SIX5: variants seen among roughly 807,000 people sequenced by gnomAD.
The protein encoded by SIX5 is homeobox protein SIX5.
SIX5 carries 21 observed loss-of-function variants against 37.1 expected under a neutral mutation model. That is an observed-to-expected ratio of 0.57 (90% CI 0.40 to 0.81). The LOEUF (loss-of-function observed/expected upper bound fraction) is 0.81, where lower values mean the gene tolerates loss of function less well. Among genes scored for constraint, SIX5 ranks in the 40% least tolerant of loss-of-function variants. SIX5 has a pLI of 0.00. For missense variants in SIX5, 1,137 were observed against 1,025.1 expected (o/e 1.11, Z -1.49); for synonymous variants, 626 against 505.9 (o/e 1.24, Z -3.19).
chr19:45,766,914 C>A lies in SIX5; in HGVS notation c.1045G>T (p.Ala349Ser). Residue 349 changes from alanine to serine, a missense_variant, in exon 2 of 3, where the codon GCC becomes TCC. Coordinates refer to ENST00000317578, the MANE Select transcript of SIX5 (RefSeq NM_175875.5). ...CCCAGGCTGGAGGCCTCGCCCAGGG[C>A]CAGGCCGTTGATGATGACGGGGCCC... ...NGGPVIINGLALGEASSLGPL... is the reference protein window; with the variant it reads ...NGGPVIINGLSLGEASSLGPL... 1 of 1,558,872 alleles carries A rather than the reference C, an allele frequency of 6.4e-7. No individual in the cohort carries two copies. Among genetic ancestry groups the A allele is most frequent in the South Asian group, 1.2e-5 (1 of 85,352 alleles).
In SIX5 at chr19:45,768,743, C is replaced by T. The variant is rs1410983965; in HGVS notation, c.102G>A (p.Gln34=). 1.3e-6 allele frequency: 2 copies of T among 1,518,858 alleles called. No homozygotes were observed. Among genetic ancestry groups the T allele is most frequent in the East Asian group, 5.1e-5 (2 of 39,320 alleles). The allele number at this position is 1,518,858 out of a possible 1,614,324, so 94.1% of individuals were successfully genotyped here. The part of the protein sequence containing the change: ...ATEEEEEEAR[Q]LLQTLQAAEG... ...CGGCCGCCTGCAAAGTCTGCAAGAG[C>T]TGGCGCGCTTCCTCCTCCTCCTCTT... is the stretch of plus-strand genomic sequence containing the variant. Residue 34 remains glutamine (Q), a synonymous_variant, in exon 1 of 3, where the codon CAG becomes CAA. Transcript: ENST00000317578.
In SIX5 at chr19:45,766,719, C is replaced by G. The variant is rs1252817210; in HGVS notation, c.1240G>C (p.Gly414Arg). Residue 414 changes from glycine (G) to arginine (R), a missense_variant, in exon 2 of 3, where the codon GGA becomes CGA. Physicochemically the swap from Gly to Arg is moderately radical, Grantham distance 125. Coordinates refer to ENST00000317578, the MANE Select transcript of SIX5 (RefSeq NM_175875.5). ...ETKGAQVAAP[G>R]PALGEEVLGP... ...AGGACCTCCTCTCCAAGGGCTGGTC[C>G]CGGAGCAGCCACCTGGGCCCCTTTG... 2 of 1,563,720 alleles carry G rather than the reference C, an allele frequency of 1.3e-6. No individual in the cohort carries two copies. Among genetic ancestry groups the G allele is most frequent in the Non-Finnish European group, 1.7e-6 (2 of 1,156,604 alleles).
At position 45,766,084 on chromosome 19, in the gene SIX5, G is replaced by A. The variant is rs1339302262; in HGVS notation, c.1637C>T (p.Ser546Phe). 4 of 1,612,120 alleles carry A rather than the reference G, an allele frequency of 2.5e-6. No individual in the cohort carries two copies. The highest frequency in any genetic ancestry group is 1.7e-5 in the Admixed American group (1 of 59,742). Reference protein sequence around the residue: ...PGNFLLANPVSGSPIVTGVAL... With the variant: ...PGNFLLANPVFGSPIVTGVAL... ...CACACCCGTCACGATGGGGCTGCCAGACACAGGGTTGGCCAGGAGGAAGTT... is the reference window on the plus strand; with the variant it reads ...CACACCCGTCACGATGGGGCTGCCAAACACAGGGTTGGCCAGGAGGAAGTT... Residue 546 changes from serine to phenylalanine, a missense_variant, in exon 3 of 3, where the codon TCT becomes TTT. Ser to Phe is a radical substitution (Grantham distance 155, BLOSUM62 -2). Around this residue, in one of 3 missense-constraint regions of SIX5, gnomAD observed 787 missense variants for 621.4 expected, o/e 1.27. Coordinates refer to ENST00000317578, the MANE Select transcript of SIX5 (RefSeq NM_175875.5).
chr19:45,765,201 G>C lies in SIX5; in HGVS notation c.*300C>G, dbSNP rs1410156922. ...GGGCAGGGTGTTCCGCTTACAGCTA[G>C]TACCAAGTGGAGGGGGCAGGGCCCC... On this transcript the variant is annotated 3_prime_UTR_variant, in exon 3 of 3. Coordinates refer to ENST00000317578, the MANE Select transcript of SIX5 (RefSeq NM_175875.5). 1.9e-6 allele frequency: 1 copy of C among 522,012 alleles called. No individual in the cohort carries two copies. The highest frequency in any genetic ancestry group is 3.5e-6 in the Non-Finnish European group (1 of 286,924). 32.3% of individuals were successfully genotyped at this position (522,012 alleles called of 1,614,324 possible).
Position 45,766,002 on chromosome 19 carries a change from G to A in SIX5, c.1719C>T (p.Val573=), listed in dbSNP as rs1340344651. 10 of 1,605,374 alleles carry A rather than the reference G, an allele frequency of 6.2e-6. No homozygotes were observed. Among genetic ancestry groups the A allele is most frequent in the East Asian group, 2.2e-5 (1 of 44,718 alleles). Residue 573 remains valine (V), a synonymous_variant, in exon 3 of 3, where the codon GTC becomes GTT. Coordinates refer to ENST00000317578, the MANE Select transcript of SIX5 (RefSeq NM_175875.5). ...LTATFPTSML[V]SQVLPPAPGL... is the part of the protein sequence containing the mutation. ...CGGGGGCTGGCGGCAGGACCTGGGA[G>A]ACGAGCATGCTGGTGGGGAAGGTGG...
Position 45,766,922 on chromosome 19 carries a change from TTGA to T in SIX5, c.1034_1036del (p.Ile345del). The T allele has an allele frequency of 6.4e-7, 1 of 1,563,128 alleles. No homozygotes were observed. On this transcript the variant is annotated inframe_deletion, in exon 2 of 3. Coordinates refer to ENST00000317578, the MANE Select transcript of SIX5 (RefSeq NM_175875.5). ...GGAGGCCTCGCCCAGGGCCAGGCCG[TTGA>T]TGATGACGGGGCCCCCGTTGAGGAG...
Position 45,768,570 on chromosome 19 carries a change from G to T in SIX5, c.275C>A (p.Ala92Glu), listed in dbSNP as rs1235707350. ...CTGGAGCAGCGCCTCGCAGACGCAC[G>T]CCACCTGCTCGGGCGAGAAGCGGAG... Reference protein sequence around the residue: ...TGLRFSPEQVACVCEALLQAG... With the variant: ...TGLRFSPEQVECVCEALLQAG... Residue 92 changes from alanine to glutamate, a missense_variant, in exon 1 of 3, where the codon GCG becomes GAG. Coordinates refer to ENST00000317578, the MANE Select transcript of SIX5 (RefSeq NM_175875.5). The T allele has an allele frequency of 2.2e-6, 3 of 1,372,290 alleles. No homozygotes were observed. Among genetic ancestry groups the T allele is most frequent in the Non-Finnish European group, 2.8e-6 (3 of 1,071,958 alleles). The allele number at this position is 1,372,290 out of a possible 1,614,324, so 85.0% of individuals were successfully genotyped here. A position where few individuals can be genotyped will look rare whatever the true frequency, so the allele number is the denominator to read the frequency against.
rs147268086 is a variant in SIX5, at chr19:45,768,470, C to G, written c.375G>C (p.Pro125=). The G allele has an allele frequency of 1.2e-3, 1,822 of 1,526,844 alleles. 25 individuals are homozygous for G. In the African/African-American group the frequency reaches 0.023, roughly 19 times the overall value. The allele number at this position is 1,526,844 out of a possible 1,614,324, so 94.6% of individuals were successfully genotyped here. Residue 125 remains proline, a synonymous_variant, in exon 1 of 3, where the codon CCG becomes CCC. Coordinates refer to ENST00000317578, the MANE Select transcript of SIX5 (RefSeq NM_175875.5). ...PPAERLRGSD[P]VLRARALVAF... ...CCACCAGGGCCCGCGCGCGCAACAC[C>G]GGGTCGCTGCCACGTAGGCGCTCGG...
At position 45,766,214 on chromosome 19, in the gene SIX5, G is replaced by A. The variant is rs767577220; in HGVS notation, c.1610-103C>T. The A allele has an allele frequency of 1.7e-4, 253 of 1,510,176 alleles. 1 individual carries two copies. Among genetic ancestry groups the A allele is most frequent in the Non-Finnish European group, 2.0e-4 (224 of 1,121,052 alleles). The allele number at this position is 1,510,176 out of a possible 1,614,324, so 93.5% of individuals were successfully genotyped here. On this transcript the variant is annotated intron_variant, in intron 2 of 2. Transcript: ENST00000317578. The stretch of plus-strand genomic sequence containing the variant: ...CTGGAGGGCGGGCGGAGGGAGCCTT[G>A]TGGTGGGCCTTGGGGCACTGGGACT...
intron 2 of SIX5, 30 bp from the exon 3 acceptor site, chr19:45,766,141 G>A: frequency 6.2e-7 from 1 of 1,600,054 alleles, no homozygotes; most frequent in East Asian, 2.2e-5. Flanking sequence ...GAGCGCAGGT[G>A]AGAGCCAGGA....
rs1466226605 is a variant in SIX5 at position 45,769,115 on chromosome 19, C to CGT, written c.-273_-272dup. The CGT allele has an allele frequency of 2.0e-6, 1 of 493,840 alleles. No individual in the cohort carries two copies. Among genetic ancestry groups the CGT allele is most frequent in the Admixed American group, 3.5e-5 (1 of 28,354 alleles). The allele number at this position is 493,840 out of a possible 1,614,324, so 30.6% of individuals were successfully genotyped here. A position where few individuals can be genotyped will look rare whatever the true frequency, so the allele number is the denominator to read the frequency against. ...GGCCGCGCTTTCTGCCTCCCCCCAG[C>CGT]GTGTGCTTCTGGCTCAGGGCCTCAG... On this transcript the variant is annotated 5_prime_UTR_variant, in exon 1 of 3. Transcript: ENST00000317578.
rs199539608 is a variant in SIX5 at position 45,768,406 on chromosome 19, G to T, written c.439C>A (p.Leu147Ile). 6.4e-7 allele frequency: 1 copy of T among 1,560,608 alleles called. No individual in the cohort carries two copies. Among genetic ancestry groups the T allele is most frequent in the Non-Finnish European group, 8.6e-7 (1 of 1,160,292 alleles). Residue 147 changes from leucine (L) to isoleucine (I), a missense_variant, in exon 1 of 3, where the codon CTC becomes ATC. Leu to Ile is a conservative substitution (Grantham distance 5). Around this residue, in one of 3 missense-constraint regions of SIX5, gnomAD observed 331 missense variants for 360.9 expected, o/e 0.92. Coordinates refer to ENST00000317578, the MANE Select transcript of SIX5 (RefSeq NM_175875.5). ...GCGGCGGGGAAGGGGCGGCTCTCGA[G>T]TAGCCGGTAGAGCTCGGCGTACTCG... ...RGEYAELYRL[L>I]ESRPFPAAHH...
In SIX5 at chr19:45,766,512, G is replaced by A. The variant is rs1373521216; in HGVS notation, c.1447C>T (p.Gln483Ter). ...LNLPQVVPTSQVVTLPQAVGP... is the reference protein window; with the variant it reads ...LNLPQVVPTS The stretch of plus-strand genomic sequence containing the variant: ...ACAGCCTGGGGCAGGGTCACCACCT[G>A]TGAGGTGGGTACTACCTGGGGCAGG... Residue 483 changes from glutamine to a stop codon, truncating the protein, a stop_gained, in exon 2 of 3, where the codon CAG becomes TAG. Transcript: ENST00000317578. LOFTEE classifies it high-confidence loss of function. 2.0e-6 allele frequency: 3 copies of A among 1,506,898 alleles called. No homozygotes were observed. Among genetic ancestry groups the A allele is most frequent in the Non-Finnish European group, 2.7e-6 (3 of 1,121,058 alleles). The allele number at this position is 1,506,898 out of a possible 1,614,324, so 93.3% of individuals were successfully genotyped here. A position where few individuals can be genotyped will look rare whatever the true frequency, so the allele number is the denominator to read the frequency against.
intron 1 of SIX5, chr19:45,767,812 C>A: frequency 1.7e-6 from 1 of 579,554 alleles, no homozygotes; most frequent in East Asian, 2.9e-5. Flanking sequence ...GGAAGGAGCT[C>A]GGAATGGAGC....
chr19:45,767,120 G>T lies in SIX5; in HGVS notation c.839C>A (p.Ser280Tyr). 1 of 1,612,362 alleles carries T rather than the reference G, an allele frequency of 6.2e-7. No homozygotes were observed. The highest frequency in any genetic ancestry group is 2.2e-5 in the East Asian group (1 of 44,880). Residue 280 changes from serine (S) to tyrosine (Y), a missense_variant, in exon 2 of 3, where the codon TCC becomes TAC. Ser to Tyr is a moderately radical substitution (Grantham distance 144). Coordinates refer to ENST00000317578, the MANE Select transcript of SIX5 (RefSeq NM_175875.5). The part of the protein sequence containing the change: ...SDGNPTTEDE[S>Y]SRSPEDLERG... Reference sequence around the variant, plus strand: ...CTCCAGGTCCTCAGGACTTCGGCTGGACTCGTCCTCAGTCGTGGGATTCCC... The same window carrying T: ...CTCCAGGTCCTCAGGACTTCGGCTGTACTCGTCCTCAGTCGTGGGATTCCC...
At chr19:45,767,806 G>A (rs1969109849) in intron 1 of SIX5, 2 of 577,992 alleles carry the variant, frequency 3.5e-6, no homozygotes, top group Non-Finnish European at 6.1e-6. Context: ...GATTTGGGAA[G>A]GAGCTCGGAA....
chr19:45,766,747 C>A lies in SIX5; in HGVS notation c.1212G>T (p.Glu404Asp). Residue 404 changes from glutamate to aspartate, a missense_variant, in exon 2 of 3, where the codon GAG becomes GAT. Coordinates refer to ENST00000317578, the MANE Select transcript of SIX5 (RefSeq NM_175875.5). ...GAGCAGCCACCTGGGCCCCTTTGGT[C>A]TCAGGGGCCTCCGACTGAGCCTCCT... The part of the protein sequence containing the change: ...RLEEAQSEAP[E>D]TKGAQVAAPG... The A allele has an allele frequency of 6.3e-7, 1 of 1,578,368 alleles. No homozygotes were observed. The highest frequency in any genetic ancestry group is 8.6e-7 in the Non-Finnish European group (1 of 1,164,706).
chr19:45,766,281 C>T, intron 2 of SIX5, 69 bp downstream of exon 2: 1 of 1,505,938 alleles, frequency 6.6e-7, no homozygotes. Context: ...GGGACAGCCC[C>T]TCCCTCTCCG....
rs1449253049 is a variant in SIX5, at chr19:45,765,318, G to A, written c.*183C>T. On this transcript the variant is annotated 3_prime_UTR_variant, in exon 3 of 3. Coordinates refer to ENST00000317578, the MANE Select transcript of SIX5 (RefSeq NM_175875.5). ...GGCCTCCCATCCAAAGGGGGATGGA[G>A]ACCTGGACAGGAGGTGGCCGGGGAT... 13 of 804,728 alleles carry A rather than the reference G, an allele frequency of 1.6e-5. No individual in the cohort carries two copies. Among genetic ancestry groups the A allele is most frequent in the African/African-American group, 3.3e-5 (2 of 59,734 alleles). 49.8% of individuals were successfully genotyped at this position (804,728 alleles called of 1,614,324 possible).
Sources: allele counts gnomAD v4.1 joint callset, GRCh38; gene constraint gnomAD v4.1.1; regional missense constraint gnomAD v4.1.1; transcripts MANE v1.5; gene names NCBI Gene and HGNC (gene_info 2026-07-23, HGNC 2026-07-21).